The following LNX1 variants were observed in gnomAD, a reference collection of about 807,000 sequenced individuals.
The protein encoded by LNX1 is E3 ubiquitin-protein ligase LNX.
In LNX1, 54 loss-of-function variants were observed where a neutral mutation model predicts 68.4. The ratio of observed to expected loss-of-function variants is 0.79; its 90% CI spans 0.63 to 0.99. LNX1 has a LOEUF of 0.99. LNX1 is among the 50% of genes least tolerant of loss of function. The probability of loss-of-function intolerance (pLI) is 0.00; values close to 1 mark genes in which losing one functional copy is unlikely to be tolerated. For missense variants in LNX1, 906 were observed against 926.4 expected (o/e 0.98, Z 0.29); for synonymous variants, 336 against 350.0 (o/e 0.96, Z 0.45).
chr4:53,508,075 C>T lies in LNX1; in HGVS notation c.533G>A (p.Gly178Asp), dbSNP rs765288800. ...GGACACGTAGGCAGGGTTGTCTAGG[C>T]CAGGCTCGTCTGTCATTAAGGAGAT... ...ATISLMTDEP[G>D]LDNPAYVSSA... Residue 178 changes from glycine (G) to aspartate (D), a missense_variant, in exon 3 of 11, where the codon GGC (glycine) becomes GAC (aspartate). Coordinates refer to ENST00000263925, the MANE Select transcript of LNX1 (RefSeq NM_001126328.3). The T allele has an allele frequency of 6.2e-7, 1 of 1,614,156 alleles. No individual in the cohort carries two copies.
chr4:53,561,724 T>C (rs1158202591), intron 2 of LNX1, among the ~76,000 whole-genome samples: 5 of 152,208 alleles, frequency 3.3e-5, no homozygotes, highest in Non-Finnish European at 7.3e-5. Flanking sequence ...ACGTATGTCT[T>C]GGGCCAATTA....
At chr4:53,495,944 G>T in intron 6 of LNX1, 79 bp downstream of exon 6, 3 of 1,513,512 alleles carry the variant, frequency 2.0e-6, no homozygotes, top group Admixed American at 1.9e-5. Context: ...TAGTGACAGG[G>T]TGCCTGGTTC....
chr4:53,604,689 G>A (rs68028807), intron 2 of LNX1, among the ~76,000 whole-genome samples: 7,222 of 152,296 alleles, frequency 0.047, 248 homozygotes, highest in Non-Finnish European at 0.073. Context: ...AATGAATTAT[G>A]AATATCAGTC....
chr4:53,472,589 T>C (rs1296412392), intron 9 of LNX1, among the ~76,000 whole-genome samples: 5 of 151,780 alleles, frequency 3.3e-5, no homozygotes, highest in African/African-American at 4.8e-5. Context: ...TGGAAATTTT[T>C]ATTTTATTTT....
intron 1 of LNX1, chr4:53,576,383 A>G: frequency 6.3e-7 from 1 of 1,575,434 alleles, no homozygotes; most frequent in South Asian, 1.2e-5. Flanking sequence ...AGCCTGCAGG[A>G]CTGACCCCTC....
chr4:53,471,188 A>G (rs1049268602), intron 9 of LNX1, among the ~76,000 whole-genome samples: 16 of 151,618 alleles, frequency 1.1e-4, no homozygotes, highest in South Asian at 2.1e-4. Flanking sequence ...ATAATGCCGC[A>G]TATCTACAAC....
intron 2 of LNX1, among the ~76,000 whole-genome samples, chr4:53,528,711 A>T (rs1008004007): frequency 6.6e-6 from 1 of 152,100 alleles, no homozygotes; most frequent in African/African-American, 2.4e-5. Flanking sequence ...CTAGACAGCA[A>T]CTAGTGAGAA....
intron 1 of LNX1, among the ~76,000 whole-genome samples, chr4:53,641,061 C>T (rs1734662500): frequency 2.0e-5 from 3 of 152,232 alleles, no homozygotes; most frequent in Non-Finnish European, 2.9e-5. Context: ...CGACTCGGCA[C>T]AGGCTACTGC....
chr4:53,624,465 T>G (rs1233370221), intron 1 of LNX1, among the ~76,000 whole-genome samples: 3 of 152,208 alleles, frequency 2.0e-5, no homozygotes, highest in Non-Finnish European at 4.4e-5. Flanking sequence ...CTGCCATGAT[T>G]GTGAGTCCTC....
chr4:53,539,507 AG>A (rs1728605941), intron 2 of LNX1, among the ~76,000 whole-genome samples: 2 of 152,218 alleles, frequency 1.3e-5, no homozygotes, highest in Admixed American at 6.5e-5. Flanking sequence ...CTGGGACTAC[AG>A]GCATGTGCCA....
intron 2 of LNX1, among the ~76,000 whole-genome samples, chr4:53,568,529 C>T (rs1351857860): frequency 2.6e-5 from 4 of 151,220 alleles, no homozygotes; most frequent in East Asian, 1.9e-4. Context: ...GACAAACCTA[C>T]AGCCAATATC....
At chr4:53,521,978 A>ATT (rs11386482) in intron 2 of LNX1, among the ~76,000 whole-genome samples, 2 of 151,682 alleles carry the variant, frequency 1.3e-5, no homozygotes, top group South Asian at 2.1e-4. Context: ...TTTTTCATTA[A>ATT]TTTTTTTGTA....
rs558237753 is a variant in LNX1, at chr4:53,634,887, G to C, written c.-215+17281C>G. 2.6e-3 allele frequency among the ~76,000 whole-genome samples: 390 copies of C among 151,718 alleles called. 2 individuals are homozygous for C. Among genetic ancestry groups the C allele is most frequent in the African/African-American group, 9.0e-3 (373 of 41,346 alleles). ...GGGTCTCACTCTGTCACCCAGGCTG[G>C]AGTGCAATCATGGGATCGTAGCTCA... On this transcript the variant is annotated intron_variant, in intron 1 of 2. Transcript: ENST00000507168.
intron 9 of LNX1, among the ~76,000 whole-genome samples, chr4:53,469,677 G>A (rs1723003037): frequency 2.0e-5 from 3 of 152,148 alleles, no homozygotes; most frequent in Non-Finnish European, 1.5e-5. Context: ...CAATCCCACA[G>A]AAATACAAAT....
Position 53,460,743 on chromosome 4 carries a change from A to ATAT in LNX1, c.*161_*163dup, listed in dbSNP as rs1452472736. 31 of 663,186 alleles carry ATAT rather than the reference A, an allele frequency of 4.7e-5. No individual in the cohort carries two copies. The South Asian group carries it at 5.0e-4, about 11-fold the overall frequency. 41.1% of individuals were successfully genotyped at this position (663,186 alleles called of 1,614,324 possible). ...TAGTAGTTTTAATTTTTTTGGAATCATATTTTCTGAGGTGTAACTGGCTTT... is the reference window on the plus strand; with the variant it reads ...TAGTAGTTTTAATTTTTTTGGAATCATATTATTTTCTGAGGTGTAACTGGCTTT... On this transcript the variant is annotated 3_prime_UTR_variant, in exon 11 of 11. Transcript: ENST00000263925.
chr4:53,521,195 A>C (rs1727192359), intron 2 of LNX1, among the ~76,000 whole-genome samples: 1 of 152,180 alleles, frequency 6.6e-6, no homozygotes, highest in African/African-American at 2.4e-5. Flanking sequence ...TTTTGAAAGC[A>C]GCCTGGGTTT....
At chr4:53,555,733 T>C (rs1213157361) in intron 2 of LNX1, among the ~76,000 whole-genome samples, 1 of 152,156 alleles carries the variant, frequency 6.6e-6, no homozygotes, top group Non-Finnish European at 1.5e-5. Context: ...AATTGGAAGC[T>C]TCTAAGAAAG....
chr4:53,624,306 A>G (rs1733994631), intron 1 of LNX1, among the ~76,000 whole-genome samples: 1 of 152,128 alleles, frequency 6.6e-6, no homozygotes, highest in Non-Finnish European at 1.5e-5. Context: ...GTGGGAGATA[A>G]TTGGATCATG....
intron 2 of LNX1, among the ~76,000 whole-genome samples, chr4:53,535,966 G>A (rs1179937350): frequency 6.6e-6 from 1 of 152,168 alleles, no homozygotes; most frequent in African/African-American, 2.4e-5. Context: ...GTCAAGGTCA[G>A]TACTTCCGAG....
Sources: gnomAD v4.1 joint callset for allele counts (sites outside exome capture counted in the v4.1 genomes callset) on GRCh38, gnomAD v4.1.1 for gene constraint, MANE v1.5 for transcripts, NCBI Gene and HGNC (gene_info 2026-07-23, HGNC 2026-07-21) for gene names.